The following ZDHHC14 variants were observed in gnomAD, a reference collection of about 807,000 sequenced individuals.
ZDHHC14 encodes palmitoyltransferase ZDHHC14.
ZDHHC14 carries 16 observed loss-of-function variants against 47.7 expected under a neutral mutation model. The ratio of observed to expected loss-of-function variants is 0.34; its 90% confidence interval spans 0.23 to 0.51. ZDHHC14 has a LOEUF of 0.51. Among genes scored for constraint, ZDHHC14 ranks in the 20% least tolerant of loss-of-function variants. ZDHHC14 has a pLI of 0.97. For synonymous variants in ZDHHC14, 293 were observed against 278.9 expected (o/e 1.05, Z -0.50); for missense variants, 515 against 662.5 (o/e 0.78, Z 2.44).
intron 5 of ZDHHC14, 33 bp from the exon 6 acceptor site, chr6:157,645,704 C>T: frequency 6.3e-7 from 1 of 1,590,660 alleles, no homozygotes; most frequent in Non-Finnish European, 8.6e-7. Context: ...TGCGCGGTCC[C>T]TCACTTCCGC....
At chr6:157,478,100 A>G (rs1779534904) in intron 1 of ZDHHC14, among the ~76,000 whole-genome samples, 1 of 152,212 alleles carries the variant, frequency 6.6e-6, no homozygotes, top group African/African-American at 2.4e-5. Context: ...GTTCAGTGCC[A>G]CATCCTGGAT....
At chr6:157,563,325 C>G (rs771556480) in intron 2 of ZDHHC14, among the ~76,000 whole-genome samples, 16 of 152,226 alleles carry the variant, frequency 1.1e-4, no homozygotes, top group South Asian at 4.1e-4. Context: ...TGCCTCTTCC[C>G]CAGCTCCAAG....
chr6:157,601,276 A>G (rs1431951412), intron 3 of ZDHHC14, among the ~76,000 whole-genome samples: 2 of 152,278 alleles, frequency 1.3e-5, no homozygotes, highest in African/African-American at 2.4e-5. Flanking sequence ...CATGATTTAC[A>G]TTAAAATTAG....
intron 5 of ZDHHC14, among the ~76,000 whole-genome samples, chr6:157,634,363 A>G (rs1021962946): frequency 6.6e-6 from 1 of 152,212 alleles, no homozygotes; most frequent in Admixed American, 6.5e-5. Flanking sequence ...AAGGTGGCCC[A>G]GGGAATGAAT....
At chr6:157,541,615 C>T (rs144399825) in intron 1 of ZDHHC14, among the ~76,000 whole-genome samples, 1 of 152,326 alleles carries the variant, frequency 6.6e-6, no homozygotes, top group Non-Finnish European at 1.5e-5. Flanking sequence ...TCATGTTCCC[C>T]AATGCCCATG....
intron 5 of ZDHHC14, among the ~76,000 whole-genome samples, chr6:157,638,699 C>G (rs1395203775): frequency 6.6e-6 from 1 of 152,244 alleles, no homozygotes; most frequent in Non-Finnish European, 1.5e-5. Flanking sequence ...ACCGTCTCGC[C>G]CTCTTCTGCC....
intron 8 of ZDHHC14, among the ~76,000 whole-genome samples, chr6:157,662,510 A>G (rs1778389456): frequency 6.6e-6 from 1 of 152,240 alleles, no homozygotes; most frequent in African/African-American, 2.4e-5. Flanking sequence ...GTTCAGTTGA[A>G]TGTATGTGCA....
At chr6:157,546,757 A>G (rs572223570) in intron 2 of ZDHHC14, among the ~76,000 whole-genome samples, 13 of 152,188 alleles carry the variant, frequency 8.5e-5, no homozygotes, top group Non-Finnish European at 1.8e-4. Context: ...TGTACTAGAA[A>G]TCACAGGATC....
At position 157,672,832 on chromosome 6, in the gene ZDHHC14, G is replaced by A. The variant is rs777541858; in HGVS notation, c.1177G>A (p.Gly393Arg). 38 of 1,611,448 alleles carry A rather than the reference G, an allele frequency of 2.4e-5. No homozygotes were observed. Among genetic ancestry groups the A allele is most frequent in the Admixed American group, 5.0e-5 (3 of 59,904 alleles). Residue 393 changes from glycine (G) to arginine (R), a missense_variant, in exon 9 of 9, where the codon GGG (glycine) becomes AGG (arginine). Gly to Arg is a moderately radical substitution (Grantham distance 125). Coordinates refer to ENST00000359775, the MANE Select transcript of ZDHHC14 (RefSeq NM_024630.3). The stretch of plus-strand genomic sequence containing the variant: ...CACCAGCGACGAGCTGCACCTGCCC[G>A]GGAAGCCTGGCCTGGGCACGCCCTG... ...SLTSDELHLP[G>R]KPGLGTPCAS... is the part of the protein sequence containing the mutation.
At chr6:157,560,935 G>A (rs1172287657) in intron 2 of ZDHHC14, among the ~76,000 whole-genome samples, 1 of 152,156 alleles carries the variant, frequency 6.6e-6, no homozygotes, top group African/African-American at 2.4e-5. Flanking sequence ...GTCTAATCAC[G>A]AACCCACTAG....
intron 3 of ZDHHC14, among the ~76,000 whole-genome samples, chr6:157,593,680 G>C (rs887156809): frequency 9.3e-4 from 142 of 152,354 alleles, no homozygotes; most frequent in African/African-American, 3.4e-3. Flanking sequence ...ACAGGCTAGG[G>C]AAACAGGCAG....
intron 1 of ZDHHC14, among the ~76,000 whole-genome samples, chr6:157,420,354 A>C (rs1370210277): frequency 3.4e-5 from 5 of 148,306 alleles, no homozygotes; most frequent in Non-Finnish European, 7.4e-5. Context: ...GAGTCAAGGC[A>C]CTGATGAGAG....
At chr6:157,400,164 G>A (rs1175977086) in intron 1 of ZDHHC14, among the ~76,000 whole-genome samples, 4 of 152,004 alleles carry the variant, frequency 2.6e-5, no homozygotes, top group South Asian at 2.1e-4. Context: ...TGTGGTCCAC[G>A]CTTGGGCAGC....
intron 6 of ZDHHC14, among the ~76,000 whole-genome samples, 175 bp from the exon 7 acceptor site, chr6:157,647,084 G>C (rs1269305903): frequency 6.6e-6 from 1 of 152,156 alleles, no homozygotes; most frequent in East Asian, 1.9e-4. Flanking sequence ...CTAACCTGCT[G>C]TTTTAGGACA....
rs545067491 is a variant in ZDHHC14 at position 157,641,116 on chromosome 6, C to T, written c.753-4621C>T. Among the ~76,000 whole-genome samples, 8 of 152,172 alleles carry T rather than the reference C, an allele frequency of 5.3e-5. No homozygotes were observed. The East Asian group carries it at 1.5e-3, about 29-fold the overall frequency. Reference sequence around the variant, plus strand: ...ATTTTTTTAACTATTTCGTAGAATTCCACAGTGTAGATGAACTATAGTTTA... The same window carrying T: ...ATTTTTTTAACTATTTCGTAGAATTTCACAGTGTAGATGAACTATAGTTTA... On this transcript the variant is annotated intron_variant, in intron 5 of 8. Coordinates refer to ENST00000359775, the MANE Select transcript of ZDHHC14 (RefSeq NM_024630.3).
At chr6:157,404,315 C>T (rs903572009) in intron 1 of ZDHHC14, among the ~76,000 whole-genome samples, 4 of 151,886 alleles carry the variant, frequency 2.6e-5, no homozygotes, top group African/African-American at 7.3e-5. Context: ...TTTTGTTTTT[C>T]GTAGAGGTGG....
At position 157,672,937 on chromosome 6, in the gene ZDHHC14, C is replaced by T. The variant is rs1326994676; in HGVS notation, c.1282C>T (p.Pro428Ser). The part of the protein sequence containing the change: ...LAEATLADVM[P>S]RKDEHMGHQF... ...CGAGGCCACGCTCGCGGACGTGATG[C>T]CCCGGAAAGATGAGCACATGGGCCA... The change falls in exon 9 of 9, where the codon CCC becomes TCC. Residue 428 changes from proline (P) to serine (S), a missense_variant. By Grantham distance (74) the Pro-to-Ser change is moderately conservative. This residue lies in a region of ZDHHC14 where 221 missense variants were observed against 233.6 expected (regional missense o/e 0.95). Coordinates refer to ENST00000359775, the MANE Select transcript of ZDHHC14 (RefSeq NM_024630.3). 2 of 1,601,810 alleles carry T rather than the reference C, an allele frequency of 1.2e-6. No homozygotes were observed. Among genetic ancestry groups the T allele is most frequent in the South Asian group, 1.1e-5 (1 of 89,830 alleles).
At chr6:157,487,026 T>A (rs2114723104) in intron 1 of ZDHHC14, among the ~76,000 whole-genome samples, 1 of 152,348 alleles carries the variant, frequency 6.6e-6, no homozygotes, top group African/African-American at 2.4e-5. Context: ...ATAGAAAGAT[T>A]CAGCAACTAC....
intron 1 of ZDHHC14, among the ~76,000 whole-genome samples, chr6:157,392,203 A>T (rs1454398317): frequency 2.0e-5 from 3 of 152,226 alleles, no homozygotes; most frequent in Admixed American, 2.0e-4. Flanking sequence ...TATTACAATG[A>T]TAAATCCTAG....
Sources: gnomAD v4.1 joint callset for allele counts (sites outside exome capture counted in the v4.1 genomes callset) on GRCh38, gnomAD v4.1.1 for gene constraint, gnomAD v4.1.1 regional missense constraint, MANE v1.5 for transcripts, NCBI Gene and HGNC (gene_info 2026-07-23, HGNC 2026-07-21) for gene names.